The following TBC1D9 variants were observed in gnomAD, a reference collection of about 807,000 sequenced individuals.
TBC1D9 encodes the protein TBC1 domain family member 9A.
TBC1D9 carries 63 observed loss-of-function variants against 132.0 expected under a neutral mutation model. The ratio of observed to expected loss-of-function variants is 0.48; its 90% CI spans 0.39 to 0.59. TBC1D9 has a LOEUF of 0.59. Ranked by LOEUF, TBC1D9 falls within the 20% of genes least tolerant of loss-of-function variation. TBC1D9 has a pLI of 0.00. For synonymous variants in TBC1D9, 610 were observed against 609.9 expected (o/e 1.00, Z 0.00); for missense variants, 1,261 against 1,592.7 (o/e 0.79, Z 3.54).
At position 140,648,542 on chromosome 4, in the gene TBC1D9, C is replaced by T. The variant is rs61349008; in HGVS notation, c.2337+8555G>A. ...CTGGGACTACAGGCATGTGCCACTA[C>T]GCCTGGCTAATTGTTGTATTTTTTG... On this transcript the variant is annotated intron_variant, in intron 13 of 20. Coordinates refer to ENST00000442267, the MANE Select transcript of TBC1D9 (RefSeq NM_015130.3). Among the ~76,000 whole-genome samples the T allele has an allele frequency of 5.5e-3, 833 of 152,036 alleles. 5 individuals carry two copies. Among genetic ancestry groups the T allele is most frequent in the African/African-American group, 0.018 (766 of 41,442 alleles).
At chr4:140,632,262 G>GCT (rs1736808407) in intron 16 of TBC1D9, among the ~76,000 whole-genome samples, 1 of 147,380 alleles carries the variant, frequency 6.8e-6, no homozygotes, top group African/African-American at 2.5e-5. Flanking sequence ...TTGCCCAAAG[G>GCT]TTTTTTTTTT....
At chr4:140,675,409 C>A (rs1021170386) in intron 6 of TBC1D9, among the ~76,000 whole-genome samples, 32 of 152,136 alleles carry the variant, frequency 2.1e-4, no homozygotes, top group Admixed American at 7.9e-4. Context: ...CCTCTGGCCA[C>A]CTTAGCTTCC....
intron 12 of TBC1D9, 56 bp from the exon 13 acceptor site, chr4:140,657,282 T>C: frequency 6.3e-7 from 1 of 1,576,912 alleles, no homozygotes; most frequent in Non-Finnish European, 8.6e-7. Context: ...CCTCCCATTA[T>C]AATTCTCCAA....
At chr4:140,624,577 T>G (rs532012234) in intron 18 of TBC1D9, among the ~76,000 whole-genome samples, 189 bp from the exon 19 acceptor site, 1 of 152,090 alleles carries the variant, frequency 6.6e-6, no homozygotes, top group African/African-American at 2.4e-5. Context: ...TAAACAACAA[T>G]TTTTGGGGGG....
At chr4:140,737,437 TCTCTC>T (rs1738691619) in intron 1 of TBC1D9, among the ~76,000 whole-genome samples, 1 of 7,400 alleles carries the variant, frequency 1.4e-4, no homozygotes, top group Non-Finnish European at 1.9e-4. Flanking sequence ...CACCCTCCCT[TCTCTC>T]TCTCTCTCTC....
chr4:140,686,538 T>A, intron 2 of TBC1D9, 76 bp from the exon 3 acceptor site: 1 of 931,284 alleles, frequency 1.1e-6, no homozygotes, highest in Non-Finnish European at 1.7e-6. Flanking sequence ...ACTTTTTCAT[T>A]ATAGTCTATA....
At position 140,687,343 on chromosome 4, in the gene TBC1D9, C is replaced by CATATATATATATATAT. The variant is rs200090051; in HGVS notation, c.242-897_242-882dup. Among the ~76,000 whole-genome samples the CATATATATATATATAT allele has an allele frequency of 1.1e-4, 4 of 37,894 alleles. 1 individual carries two copies. The highest frequency in any genetic ancestry group is 1.9e-4 in the Non-Finnish European group (3 of 15,520). The allele number at this position is 37,894 out of a possible 152,430, so 24.9% of individuals were successfully genotyped here. A position where few individuals can be genotyped will look rare whatever the true frequency, so the allele number is the denominator to read the frequency against. ...TATATGTGTGTGTGTGTGTGTGTGT[C>CATATATATATATATAT]ATATATATATATATATATATATATA... On this transcript the variant is annotated intron_variant, in intron 2 of 20. Coordinates refer to ENST00000442267, the MANE Select transcript of TBC1D9 (RefSeq NM_015130.3).
intron 2 of TBC1D9, among the ~76,000 whole-genome samples, chr4:140,696,175 G>A (rs926573757): frequency 2.0e-5 from 3 of 151,668 alleles, no homozygotes; most frequent in Admixed American, 6.6e-5. Context: ...AAAAAGAGGC[G>A]GGCCAGGCGT....
At chr4:140,733,456 T>A (rs1490063423) in intron 1 of TBC1D9, among the ~76,000 whole-genome samples, 1 of 152,214 alleles carries the variant, frequency 6.6e-6, no homozygotes, top group Non-Finnish European at 1.5e-5. Context: ...GGACAAAAAT[T>A]TGATTCTCTG....
intron 1 of TBC1D9, among the ~76,000 whole-genome samples, chr4:140,713,068 T>C (rs2111050469): frequency 6.6e-6 from 1 of 152,338 alleles, no homozygotes; most frequent in South Asian, 2.1e-4. Context: ...TTAACTTCTT[T>C]TAATCTATAA....
At chr4:140,623,165 GC>G (rs1234878304) in intron 20 of TBC1D9, among the ~76,000 whole-genome samples, 3 of 152,046 alleles carry the variant, frequency 2.0e-5, no homozygotes, top group Non-Finnish European at 2.9e-5. Flanking sequence ...GTTCACTGCA[GC>G]CTCAACATCC....
chr4:140,727,908 T>C (rs2111064369), intron 1 of TBC1D9, among the ~76,000 whole-genome samples: 1 of 152,358 alleles, frequency 6.6e-6, no homozygotes, highest in South Asian at 2.1e-4. Flanking sequence ...TATCTCTAGT[T>C]TCTCTAATTG....
Position 140,742,255 on chromosome 4 carries a change from C to T in TBC1D9, c.130+13661G>A, listed in dbSNP as rs117593101. ...CAGAACACCTTAAAAAATGACTCGCCGGGCACAGTGGCTCACACCTGTAAT... is the reference window on the plus strand; with the variant it reads ...CAGAACACCTTAAAAAATGACTCGCTGGGCACAGTGGCTCACACCTGTAAT... On this transcript the variant is annotated intron_variant, in intron 1 of 20. Coordinates refer to ENST00000442267, the MANE Select transcript of TBC1D9 (RefSeq NM_015130.3). Among the ~76,000 whole-genome samples the T allele has an allele frequency of 4.5e-3, 677 of 152,114 alleles. 29 individuals carry two copies. In the East Asian group the frequency reaches 0.11, roughly 25 times the overall value.
At chr4:140,678,800 G>T in intron 5 of TBC1D9, 142 bp downstream of exon 5, 1 of 1,012,786 alleles carries the variant, frequency 9.9e-7, no homozygotes, top group Non-Finnish European at 1.4e-6. Flanking sequence ...TAGCACCTCA[G>T]CTAGTCTTTT....
At chr4:140,733,639 G>A (rs1030093270) in intron 1 of TBC1D9, among the ~76,000 whole-genome samples, 1 of 152,084 alleles carries the variant, frequency 6.6e-6, no homozygotes. Context: ...TGTTAAGTAG[G>A]TTTTCTGCCT....
chr4:140,682,299 AC>A (rs1244825865), intron 3 of TBC1D9, among the ~76,000 whole-genome samples: 3 of 152,160 alleles, frequency 2.0e-5, no homozygotes, highest in Non-Finnish European at 2.9e-5. Flanking sequence ...TCCTCTATTT[AC>A]CACTGATATC....
chr4:140,702,649 G>T (rs1023027600), intron 1 of TBC1D9, among the ~76,000 whole-genome samples: 1 of 152,168 alleles, frequency 6.6e-6, no homozygotes, highest in African/African-American at 2.4e-5. Context: ...TGTCATCAGT[G>T]CAAATTTCTC....
chr4:140,749,267 T>C (rs1413552357), intron 1 of TBC1D9, among the ~76,000 whole-genome samples: 3 of 151,310 alleles, frequency 2.0e-5, no homozygotes, highest in African/African-American at 7.3e-5. Flanking sequence ...GAGTCAAAAA[T>C]GCATTTGTAT....
chr4:140,704,288 C>T (rs982143088), intron 1 of TBC1D9, among the ~76,000 whole-genome samples: 1 of 151,988 alleles, frequency 6.6e-6, no homozygotes, highest in African/African-American at 2.4e-5. Context: ...GTAATCCCAG[C>T]TTCTAGGGAG....
Sources: allele counts gnomAD v4.1 joint callset (sites outside exome capture counted in the v4.1 genomes callset), GRCh38; gene constraint gnomAD v4.1.1; transcripts MANE v1.5; gene names NCBI Gene and HGNC (gene_info 2026-07-23, HGNC 2026-07-21).